Variants in SHC4 observed in about 807,000 individuals in gnomAD.
The protein encoded by SHC4 is SHC adaptor protein 4, also known as SHC-transforming protein 4.
In SHC4, 41 loss-of-function variants were observed where a neutral mutation model predicts 69.4. That is an observed-to-expected ratio of 0.59 (90% CI 0.46 to 0.77). The LOEUF is 0.77. SHC4 is among the 30% of genes least tolerant of loss of function. The pLI, the probability that SHC4 is intolerant of heterozygous loss-of-function variation, is 0.00. For synonymous variants in SHC4, 318 were observed against 299.3 expected (o/e 1.06, Z -0.64); for missense variants, 777 against 783.8 (o/e 0.99, Z 0.10).
intron 4 of SHC4, chr15:48,878,002 A>G: frequency 1.4e-6 from 1 of 693,088 alleles, no homozygotes; most frequent in Non-Finnish European, 2.2e-6. Context: ...CACCCCGGAG[A>G]AAACACTGAG....
chr15:48,908,089 A>G (rs1014891466), intron 2 of SHC4, among the ~76,000 whole-genome samples: 11 of 152,170 alleles, frequency 7.2e-5, no homozygotes, highest in African/African-American at 2.7e-4. Flanking sequence ...GCTGGATCAA[A>G]TGGTAGTTCT....
chr15:48,849,464 G>C (rs1899164354), intron 9 of SHC4, among the ~76,000 whole-genome samples: 1 of 152,164 alleles, frequency 6.6e-6, no homozygotes, highest in Non-Finnish European at 1.5e-5. Flanking sequence ...GTGTCTTCCT[G>C]GCTAAACTGC....
At chr15:48,933,263 T>C (rs1212846192) in intron 1 of SHC4, among the ~76,000 whole-genome samples, 3 of 152,182 alleles carry the variant, frequency 2.0e-5, no homozygotes, top group Admixed American at 2.0e-4. Flanking sequence ...GTTTTCCTGA[T>C]TTTTAATTCC....
intron 11 of SHC4, among the ~76,000 whole-genome samples, chr15:48,826,368 C>T (rs1898689796): frequency 6.6e-6 from 1 of 151,608 alleles, no homozygotes; most frequent in Admixed American, 6.6e-5. Context: ...TCTAGTGCTT[C>T]AGCCCGAGTA....
intron 4 of SHC4, chr15:48,878,515 A>T: frequency 6.2e-7 from 1 of 1,614,080 alleles, no homozygotes; most frequent in Non-Finnish European, 8.5e-7. Flanking sequence ...ACTATCCCGA[A>T]GAGGAGCAGC....
intron 1 of SHC4, among the ~76,000 whole-genome samples, chr15:48,928,137 C>A (rs569553936): frequency 6.6e-6 from 1 of 150,746 alleles, no homozygotes; most frequent in South Asian, 2.1e-4. Context: ...TACAAGAGCA[C>A]CCAGGACTCA....
chr15:48,890,835 TA>T (rs747629559), intron 2 of SHC4, 24 bp from the exon 3 acceptor site: 2 of 1,613,432 alleles, frequency 1.2e-6, no homozygotes, highest in Non-Finnish European at 1.7e-6. Context: ...ACCATATAAA[TA>T]AAGACTTAGC....
intron 2 of SHC4, among the ~76,000 whole-genome samples, chr15:48,914,533 A>G (rs1309040150): frequency 6.6e-6 from 1 of 152,110 alleles, no homozygotes; most frequent in Non-Finnish European, 1.5e-5. Flanking sequence ...TTTTGGTTGG[A>G]ATTTGCTGTC....
chr15:48,890,898 C>A, intron 2 of SHC4, 87 bp from the exon 3 acceptor site: 1 of 1,371,130 alleles, frequency 7.3e-7, no homozygotes, highest in South Asian at 1.2e-5. Context: ...TTATCACGAC[C>A]AAAAAGTACA....
intron 5 of SHC4, among the ~76,000 whole-genome samples, chr15:48,871,524 G>A (rs1453522560): frequency 6.6e-6 from 1 of 152,170 alleles, no homozygotes; most frequent in Non-Finnish European, 1.5e-5. Flanking sequence ...AGTAGGCTTG[G>A]AGAAATCCTG....
At chr15:48,887,517 A>T (rs895301148) in intron 3 of SHC4, among the ~76,000 whole-genome samples, 1 of 152,226 alleles carries the variant, frequency 6.6e-6, no homozygotes, top group African/African-American at 2.4e-5. Context: ...AGTGAGTGCT[A>T]GGAGGAAAAA....
intron 2 of SHC4, among the ~76,000 whole-genome samples, chr15:48,913,442 C>T (rs558806121): frequency 6.6e-5 from 10 of 152,212 alleles, no homozygotes; most frequent in South Asian, 2.1e-4. Context: ...TAACTCCCAC[C>T]GTGCTCTCCC....
intron 10 of SHC4, among the ~76,000 whole-genome samples, chr15:48,837,598 T>C (rs1271812640): frequency 6.6e-6 from 1 of 152,146 alleles, no homozygotes; most frequent in East Asian, 1.9e-4. Context: ...GCTGAATTGA[T>C]ATAATCATAT....
chr15:48,861,548 C>T (rs1899442297), intron 6 of SHC4, among the ~76,000 whole-genome samples: 2 of 152,188 alleles, frequency 1.3e-5, no homozygotes, highest in Admixed American at 1.3e-4. Flanking sequence ...ATTCCAAAAG[C>T]TTGGCCAAGA....
chr15:48,867,848 A>G lies in SHC4; in HGVS notation c.916T>C (p.Tyr306His). 1 of 1,613,636 alleles carries G rather than the reference A, an allele frequency of 6.2e-7. No homozygotes were observed. The highest frequency in any genetic ancestry group is 1.1e-5 in the South Asian group (1 of 91,048). ...GDPDTTDYVAYVAKDPVNQRA... is the reference protein window; with the variant it reads ...GDPDTTDYVAHVAKDPVNQRA... The stretch of plus-strand genomic sequence containing the variant: ...TGATTAACTGGATCTTTAGCTACGT[A>G]GGCAACATAGTCTGTAGTATCCTAT... Residue 306 changes from tyrosine (Y) to histidine (H), a missense_variant, in exon 6 of 12, where the codon TAC (tyrosine) becomes CAC (histidine). Tyr to His is a moderately conservative substitution (Grantham distance 83). Transcript: ENST00000332408.
At chr15:48,858,456 A>AT (rs1490095973) in intron 6 of SHC4, among the ~76,000 whole-genome samples, 1 of 152,214 alleles carries the variant, frequency 6.6e-6, no homozygotes, top group Non-Finnish European at 1.5e-5. Flanking sequence ...TTACCAGAAG[A>AT]TATGAGAGTT....
intron 9 of SHC4, among the ~76,000 whole-genome samples, chr15:48,846,335 T>C (rs1595729922): frequency 6.6e-6 from 1 of 152,128 alleles, no homozygotes; most frequent in Non-Finnish European, 1.5e-5. Flanking sequence ...GAAATAATGT[T>C]GGTGAGACAC....
At chr15:48,871,987 A>G (rs556378787) in intron 5 of SHC4, 102 bp downstream of exon 5, 2 of 719,006 alleles carry the variant, frequency 2.8e-6, no homozygotes, top group East Asian at 5.7e-5. Flanking sequence ...GTAGTGGCTA[A>G]TATGGTTTAT....
chr15:48,896,355 C>G (rs1316299968), intron 2 of SHC4, among the ~76,000 whole-genome samples: 1 of 144,566 alleles, frequency 6.9e-6, no homozygotes, highest in East Asian at 2.1e-4. Flanking sequence ...GAGTCTCACT[C>G]TGTCGGCCAG....
Sources: allele counts gnomAD v4.1 joint callset (sites outside exome capture counted in the v4.1 genomes callset), GRCh38; gene constraint gnomAD v4.1.1; transcripts MANE v1.5; gene names NCBI Gene and HGNC (gene_info 2026-07-23, HGNC 2026-07-21).